Variants in VAMP7 observed in about 807,000 individuals in gnomAD.
VAMP7 encodes the protein vesicle-associated membrane protein 7.
Under a neutral mutation model 29.6 loss-of-function variants are expected in VAMP7, and 14 were observed. That is an observed-to-expected ratio of 0.47 (90% CI 0.31 to 0.74). VAMP7 has a LOEUF of 0.74. Among genes scored for constraint, VAMP7 ranks in the 30% least tolerant of loss-of-function variants. VAMP7 has a pLI of 0.05. For missense variants in VAMP7, 223 were observed against 262.4 expected (o/e 0.85, Z 1.04); for synonymous variants, 95 against 88.1 (o/e 1.08, Z -0.44).
intron 5 of VAMP7, among the ~76,000 whole-genome samples, chrX:155,910,992 T>C (rs1378246326): frequency 1.3e-5 from 2 of 152,202 alleles, no homozygotes; most frequent in Non-Finnish European, 2.9e-5. Flanking sequence ...TTTGAGGTGT[T>C]AGCCATAAAA....
intron 6 of VAMP7, among the ~76,000 whole-genome samples, chrX:155,934,460 T>C (rs1367334712): frequency 6.6e-6 from 1 of 152,200 alleles, no homozygotes; most frequent in Non-Finnish European, 1.5e-5. Context: ...TGTAATGGCC[T>C]TCTTTGTCTC....
chrX:155,914,882 GAGTT>G lies in VAMP7; in HGVS notation c.434-4928_434-4925del, dbSNP rs1222713560. 3.9e-5 allele frequency among the ~76,000 whole-genome samples: 6 copies of G among 152,170 alleles called. No individual in the cohort carries two copies. The East Asian group carries it at 1.2e-3, about 29-fold the overall frequency. On this transcript the variant is annotated intron_variant, in intron 5 of 7. Transcript: ENST00000286448. ...CAGGATGATGCTGGCCTCATAAAAT[GAGTT>G]AGGGAGGAGTCCCTCTTCTTCTGTT...
At chrX:155,938,116 A>G (rs1272565422) in intron 6 of VAMP7, among the ~76,000 whole-genome samples, 1 of 152,154 alleles carries the variant, frequency 6.6e-6, no homozygotes, top group African/African-American at 2.4e-5. Flanking sequence ...GAGGATACTT[A>G]TTAGAAATTT....
chrX:155,915,901 C>G (rs2066305395), intron 5 of VAMP7, among the ~76,000 whole-genome samples: 1 of 152,130 alleles, frequency 6.6e-6, no homozygotes, highest in Non-Finnish European at 1.5e-5. Context: ...GAGCTGAGTT[C>G]AAGTCCTGAA....
chrX:155,916,570 G>A (rs2066317226), intron 5 of VAMP7, among the ~76,000 whole-genome samples: 1 of 152,116 alleles, frequency 6.6e-6, no homozygotes, highest in African/African-American at 2.4e-5. Context: ...AAATCTCTCA[G>A]CATTTGCATG....
intron 5 of VAMP7, among the ~76,000 whole-genome samples, chrX:155,910,103 C>T (rs1435076010): frequency 6.6e-6 from 1 of 152,156 alleles, no homozygotes. Flanking sequence ...CTGCTCGGCC[C>T]CACATACCCA....
rs1180697337 is a variant in VAMP7 at position 155,942,722 on chromosome X, ATATT to A, written c.*774_*777del. On this transcript the variant is annotated 3_prime_UTR_variant, in exon 8 of 8. Coordinates refer to ENST00000286448, the MANE Select transcript of VAMP7 (RefSeq NM_005638.6). ...AAATGTGTTCCTTTTTCTTCTGTGA[ATATT>A]TAGGGCAATCGTGTCGCTAATAGAA... The A allele has an allele frequency of 1.3e-5, 2 of 153,714 alleles. No individual in the cohort carries two copies. The highest frequency in any genetic ancestry group is 2.4e-5 in the African/African-American group (1 of 41,406). 9.5% of individuals were successfully genotyped at this position (153,714 alleles called of 1,614,324 possible).
intron 6 of VAMP7, among the ~76,000 whole-genome samples, chrX:155,936,686 G>A (rs1001963581): frequency 9.2e-5 from 14 of 152,138 alleles, no homozygotes; most frequent in African/African-American, 2.4e-4. Context: ...GCTCACGCTC[G>A]GTGGGCTGCA....
chrX:155,893,532 G>A (rs2065949970), intron 2 of VAMP7, among the ~76,000 whole-genome samples: 1 of 152,156 alleles, frequency 6.6e-6, no homozygotes, highest in Admixed American at 6.5e-5. Context: ...AGACTGAGTG[G>A]CTTGAACAAC....
At chrX:155,922,877 C>G (rs926643833) in intron 6 of VAMP7, among the ~76,000 whole-genome samples, 1 of 151,998 alleles carries the variant, frequency 6.6e-6, no homozygotes, top group African/African-American at 2.4e-5. Flanking sequence ...TTTATACCAT[C>G]TAGTCTTTGT....
At chrX:155,913,405 T>A (rs1367503448) in intron 5 of VAMP7, among the ~76,000 whole-genome samples, 13 of 152,204 alleles carry the variant, frequency 8.5e-5, no homozygotes, top group Admixed American at 4.6e-4. Flanking sequence ...TTTTGGCTTT[T>A]GTTGCCATTG....
intron 5 of VAMP7, among the ~76,000 whole-genome samples, chrX:155,909,172 A>G (rs1464821551): frequency 1.3e-5 from 2 of 152,088 alleles, no homozygotes; most frequent in South Asian, 2.1e-4. Flanking sequence ...TGCTGTAGCT[A>G]TTCAGATTTT....
intron 2 of VAMP7, among the ~76,000 whole-genome samples, chrX:155,894,068 TC>T (rs1260493400): frequency 2.0e-5 from 3 of 152,186 alleles, no homozygotes; most frequent in Non-Finnish European, 4.4e-5. Context: ...GGTACCCCTA[TC>T]TATCCACTTG....
At chrX:155,886,681 A>G (rs747387189) in intron 1 of VAMP7, among the ~76,000 whole-genome samples, 23 of 152,220 alleles carry the variant, frequency 1.5e-4, no homozygotes, top group African/African-American at 4.3e-4. Context: ...CCTTTTGTCT[A>G]GTCGTTAAAT....
At chrX:155,892,039 T>C (rs1014927394) in intron 2 of VAMP7, among the ~76,000 whole-genome samples, 32 of 152,256 alleles carry the variant, frequency 2.1e-4, no homozygotes, top group Non-Finnish European at 3.8e-4. Flanking sequence ...CTTCCACTCA[T>C]GTATTATGAG....
At chrX:155,911,174 A>G (rs1485530243) in intron 5 of VAMP7, among the ~76,000 whole-genome samples, 3 of 152,078 alleles carry the variant, frequency 2.0e-5, no homozygotes, top group Non-Finnish European at 1.5e-5. Context: ...TTTTCCCAAT[A>G]CCATTTATTG....
intron 1 of VAMP7, among the ~76,000 whole-genome samples, chrX:155,882,343 A>G (rs1391209111): frequency 6.6e-6 from 1 of 152,220 alleles, no homozygotes; most frequent in Non-Finnish European, 1.5e-5. Context: ...AACAGGAATA[A>G]TCAGGATTAT....
Position 155,895,675 on chromosome X carries a change from G to A in VAMP7, c.199G>A (p.Asp67Asn), listed in dbSNP as rs1343983731. The A allele has an allele frequency of 3.1e-6, 5 of 1,607,842 alleles. No homozygotes were observed. Among genetic ancestry groups the A allele is most frequent in the Non-Finnish European group, 2.6e-6 (3 of 1,174,690 alleles). ...CAGGATTGTATATCTTTGTATCACTGATGATGTAAGTAACTTGAAGACATA... is the reference window on the plus strand; with the variant it reads ...CAGGATTGTATATCTTTGTATCACTAATGATGTAAGTAACTTGAAGACATA... ...QDRIVYLCIT[D>N]DDFERSRAFN... is the part of the protein sequence containing the mutation. The change falls in exon 3 of 8, where the codon GAT becomes AAT. Residue 67 changes from aspartate to asparagine, a missense_variant. Transcript: ENST00000286448.
At chrX:155,899,662 TC>T (rs1315651232) in intron 4 of VAMP7, among the ~76,000 whole-genome samples, 2 of 152,026 alleles carry the variant, frequency 1.3e-5, no homozygotes, top group Non-Finnish European at 2.9e-5. Flanking sequence ...TAGGAAATGT[TC>T]ATCTGTGTAA....
Sources: gnomAD v4.1 joint callset for allele counts (sites outside exome capture counted in the v4.1 genomes callset) on GRCh38, gnomAD v4.1.1 for gene constraint, MANE v1.5 for transcripts, NCBI Gene and HGNC (gene_info 2026-07-23, HGNC 2026-07-21) for gene names.